CSMD1: variants seen among roughly 807,000 people sequenced by gnomAD.
The protein encoded by CSMD1 is CUB and sushi domain-containing protein 1.
Under a neutral mutation model 417.5 loss-of-function variants are expected in CSMD1, and 213 were observed. That is an observed-to-expected ratio of 0.51 (90% CI 0.46 to 0.57). CSMD1 has a LOEUF of 0.57. Ranked by LOEUF, CSMD1 falls within the 20% of genes least tolerant of loss-of-function variation. The probability of loss-of-function intolerance (pLI) is 0.00; values close to 1 mark genes in which losing one functional copy is unlikely to be tolerated. For missense variants in CSMD1, 6,923 were observed against 4,529.7 expected (o/e 1.53, Z -15.17); for synonymous variants, 2,862 against 1,736.8 (o/e 1.65, Z -16.11).
chr8:3,602,075 A>G (rs1455855744), intron 8 of CSMD1, among the ~76,000 whole-genome samples: 1 of 152,234 alleles, frequency 6.6e-6, no homozygotes, highest in Non-Finnish European at 1.5e-5. Context: ...GATGGTGGTC[A>G]TGGTTATACA....
At chr8:4,314,870 C>T (rs571624788) in intron 3 of CSMD1, among the ~76,000 whole-genome samples, 26 of 152,262 alleles carry the variant, frequency 1.7e-4, no homozygotes, top group Non-Finnish European at 3.2e-4. Context: ...TGTTAGAAAA[C>T]GCTTCCTGTT....
At chr8:3,744,169 A>G (rs1796949807) in intron 6 of CSMD1, among the ~76,000 whole-genome samples, 1 of 152,178 alleles carries the variant, frequency 6.6e-6, no homozygotes, top group South Asian at 2.1e-4. Context: ...TGACAAGGGC[A>G]TGGAAGGTCT....
chr8:4,843,262 C>T (rs1394315412), intron 1 of CSMD1, among the ~76,000 whole-genome samples: 1 of 152,096 alleles, frequency 6.6e-6, no homozygotes, highest in African/African-American at 2.4e-5. Flanking sequence ...TCTCCCTAAC[C>T]AAAAACATCC....
chr8:4,240,958 A>C (rs1362438209), intron 3 of CSMD1, among the ~76,000 whole-genome samples: 3 of 152,186 alleles, frequency 2.0e-5, no homozygotes, highest in African/African-American at 7.2e-5. Context: ...TATACCTTCT[A>C]AATACCCTTT....
chr8:4,096,019 T>C (rs1800987905), intron 3 of CSMD1, among the ~76,000 whole-genome samples: 1 of 151,868 alleles, frequency 6.6e-6, no homozygotes, highest in Admixed American at 6.6e-5. Flanking sequence ...GAAAGGATAA[T>C]AATTCATGGG....
intron 1 of CSMD1, among the ~76,000 whole-genome samples, chr8:4,805,096 T>C (rs950420302): frequency 2.0e-5 from 3 of 152,152 alleles, no homozygotes; most frequent in Admixed American, 6.5e-5. Context: ...CAACTGATAA[T>C]ATAATACTGG....
intron 1 of CSMD1, among the ~76,000 whole-genome samples, chr8:4,791,846 CT>C (rs935848089): frequency 2.0e-5 from 3 of 152,014 alleles, no homozygotes; most frequent in Non-Finnish European, 4.4e-5. Context: ...AACAGATATA[CT>C]TTTTTTCAAA....
intron 3 of CSMD1, among the ~76,000 whole-genome samples, chr8:4,185,596 T>G (rs1024695047): frequency 6.6e-6 from 1 of 152,210 alleles, no homozygotes; most frequent in African/African-American, 2.4e-5. Flanking sequence ...ATCTAGTAAA[T>G]GTGCTGATTT....
intron 30 of CSMD1, among the ~76,000 whole-genome samples, chr8:3,205,998 T>C (rs927089480): frequency 1.2e-4 from 19 of 152,152 alleles, no homozygotes; most frequent in African/African-American, 4.1e-4. Context: ...GATACAAAGA[T>C]TATTTCAGTT....
At chr8:4,924,494 G>A (rs1463704605) in intron 1 of CSMD1, among the ~76,000 whole-genome samples, 4 of 152,002 alleles carry the variant, frequency 2.6e-5, no homozygotes, top group Non-Finnish European at 4.4e-5. Context: ...AGGCTGGGGC[G>A]GGTAGATCAC....
intron 3 of CSMD1, among the ~76,000 whole-genome samples, chr8:4,032,377 G>C (rs920172174): frequency 1.3e-5 from 2 of 152,168 alleles, no homozygotes; most frequent in Non-Finnish European, 2.9e-5. Flanking sequence ...TCCAGATAAT[G>C]TCTGGATTAT....
At chr8:3,724,897 T>C (rs1274594597) in intron 6 of CSMD1, among the ~76,000 whole-genome samples, 1 of 152,242 alleles carries the variant, frequency 6.6e-6, no homozygotes, top group Non-Finnish European at 1.5e-5. Flanking sequence ...CTATTAGATC[T>C]GCCATGGTAA....
In CSMD1 at chr8:2,996,625, A is replaced by G. The variant is rs906447969; in HGVS notation, c.8377+1386T>C. ...AGCATATTTTGCTAGGCCCTGCTCCATACTTCCTAAAACACCACTGCACAG... is the reference window on the plus strand; with the variant it reads ...AGCATATTTTGCTAGGCCCTGCTCCGTACTTCCTAAAACACCACTGCACAG... On this transcript the variant is annotated intron_variant, in intron 54 of 69. Transcript: ENST00000635120. Among the ~76,000 whole-genome samples the G allele has an allele frequency of 3.9e-5, 6 of 152,182 alleles. No individual in the cohort carries two copies. In the South Asian group the frequency reaches 1.2e-3, roughly 31 times the overall value.
At position 3,359,291 on chromosome 8, in the gene CSMD1, T is replaced by G; in HGVS notation, c.3165A>C (p.Arg1055=). 6.2e-7 allele frequency: 1 copy of G among 1,613,794 alleles called. No individual in the cohort carries two copies. The highest frequency in any genetic ancestry group is 8.5e-7 in the Non-Finnish European group (1 of 1,179,836). The part of the protein sequence containing the change: ...CDDPGVPAFS[R]RIGFHFGVGD... ...CCACACCAAAGTGAAAACCAATTCTTCGGCTGAAGGCAGGGACTCCAGGAT... is the reference window on the plus strand; with the variant it reads ...CCACACCAAAGTGAAAACCAATTCTGCGGCTGAAGGCAGGGACTCCAGGAT... Residue 1055 remains arginine (R), a synonymous_variant, in exon 21 of 70, where the codon CGA becomes CGC. Transcript: ENST00000635120.
intron 3 of CSMD1, among the ~76,000 whole-genome samples, chr8:4,135,048 A>C (rs931576344): frequency 6.6e-6 from 1 of 152,120 alleles, no homozygotes; most frequent in Non-Finnish European, 1.5e-5. Flanking sequence ...CCCCTTTCTT[A>C]AACTCTTAGC....
chr8:4,000,021 G>C (rs193192881), intron 4 of CSMD1, among the ~76,000 whole-genome samples: 3 of 152,196 alleles, frequency 2.0e-5, no homozygotes, highest in Non-Finnish European at 4.4e-5. Flanking sequence ...AACCAAACAC[G>C]AATAAAAATA....
intron 3 of CSMD1, among the ~76,000 whole-genome samples, chr8:4,405,583 C>T (rs895497582): frequency 9.2e-5 from 14 of 152,106 alleles, no homozygotes; most frequent in Admixed American, 7.2e-4. Flanking sequence ...CTATACAAAA[C>T]GTGAGTTTGT....
chr8:3,277,304 T>C (rs1231635341), intron 26 of CSMD1, among the ~76,000 whole-genome samples: 1 of 152,108 alleles, frequency 6.6e-6, no homozygotes, highest in African/African-American at 2.4e-5. Flanking sequence ...AAGTGAGGCG[T>C]TGCCCACGTT....
intron 3 of CSMD1, among the ~76,000 whole-genome samples, chr8:4,223,371 A>G (rs1230076013): frequency 1.3e-5 from 2 of 152,374 alleles, no homozygotes; most frequent in Admixed American, 6.5e-5. Context: ...TAGTCCATCC[A>G]TCAAGTAAAT....
Sources: gnomAD v4.1 joint callset for allele counts (sites outside exome capture counted in the v4.1 genomes callset) on GRCh38, gnomAD v4.1.1 for gene constraint, MANE v1.5 for transcripts, NCBI Gene and HGNC (gene_info 2026-07-23, HGNC 2026-07-21) for gene names.